LONP2: variants seen among roughly 807,000 people sequenced by gnomAD.
LONP2 encodes the protein lon peptidase 2, peroxisomal.
A neutral mutation model predicts 85.6 loss-of-function variants in LONP2; 60 were observed. The observed-to-expected ratio is 0.70, with a 90% CI of 0.57 to 0.87. The LOEUF (loss-of-function observed/expected upper bound fraction) is 0.87. LONP2 is among the 40% of genes least tolerant of loss of function. The pLI, the probability that LONP2 is intolerant of heterozygous loss-of-function variation, is 0.00. For synonymous variants in LONP2, 395 were observed against 389.7 expected (o/e 1.01, Z -0.16); for missense variants, 860 against 1,063.5 (o/e 0.81, Z 2.66).
intron 14 of LONP2, among the ~76,000 whole-genome samples, chr16:48,348,831 T>C (rs1296425395): frequency 6.6e-6 from 1 of 152,066 alleles, no homozygotes; most frequent in Non-Finnish European, 1.5e-5. Flanking sequence ...GGGAAAAAAA[T>C]ATTAGTGTGG....
intron 11 of LONP2, among the ~76,000 whole-genome samples, chr16:48,333,960 T>C (rs969257499): frequency 6.6e-6 from 1 of 152,226 alleles, no homozygotes; most frequent in Non-Finnish European, 1.5e-5. Context: ...ACTTACACTT[T>C]AATGGGGGAG....
chr16:48,258,715 A>T lies in LONP2; in HGVS notation c.698A>T (p.Lys233Ile), dbSNP rs555106386. The change falls in exon 4 of 15, where the codon AAA (lysine) becomes ATA (isoleucine). Residue 233 changes from lysine to isoleucine, a missense_variant. Lys to Ile is a moderately radical substitution (Grantham distance 102). This residue lies in a region of LONP2 where 743 missense variants were observed against 917.3 expected (regional missense o/e 0.81). Coordinates refer to ENST00000285737, the MANE Select transcript of LONP2 (RefSeq NM_031490.5). ...CTGAAATTGCTTCAAAAAACCAGAA[A>T]ACCCAAGCAAGATGATGATAAGAGG... ...EGLKLLQKTR[K>I]PKQDDDKRVI... The T allele has an allele frequency of 6.2e-7, 1 of 1,611,866 alleles. No homozygotes were observed. Among genetic ancestry groups the T allele is most frequent in the Non-Finnish European group, 8.5e-7 (1 of 1,179,300 alleles).
At chr16:48,298,593 C>A (rs1346657247) in intron 9 of LONP2, among the ~76,000 whole-genome samples, 1 of 148,402 alleles carries the variant, frequency 6.7e-6, no homozygotes, top group African/African-American at 2.5e-5. Flanking sequence ...TCTTTAGAGC[C>A]CTTCCCTTGG....
chr16:48,300,598 A>C (rs1972783433), intron 10 of LONP2, among the ~76,000 whole-genome samples: 2 of 152,146 alleles, frequency 1.3e-5, no homozygotes, highest in African/African-American at 4.8e-5. Flanking sequence ...GTATCTCTCT[A>C]TTTTGAACTT....
intron 2 of LONP2, 115 bp from the exon 3 acceptor site, chr16:48,256,495 A>C (rs1971763697): frequency 9.6e-7 from 1 of 1,037,052 alleles, no homozygotes; most frequent in Non-Finnish European, 1.5e-6. Flanking sequence ...TTAATCAGTG[A>C]TCTTTCAAAA....
At chr16:48,246,643 C>G (rs1287123685) in intron 1 of LONP2, among the ~76,000 whole-genome samples, 1 of 152,124 alleles carries the variant, frequency 6.6e-6, no homozygotes, top group African/African-American at 2.4e-5. Flanking sequence ...TGATCGTAGC[C>G]CACCGCAACC....
chr16:48,300,918 G>A (rs1285203425), intron 10 of LONP2, among the ~76,000 whole-genome samples: 1 of 152,168 alleles, frequency 6.6e-6, no homozygotes, highest in East Asian at 1.9e-4. Context: ...GAGTTTATCT[G>A]AATAATAATG....
chr16:48,252,614 C>T (rs929236843), intron 2 of LONP2, among the ~76,000 whole-genome samples: 9 of 152,242 alleles, frequency 5.9e-5, no homozygotes, highest in African/African-American at 2.2e-4. Flanking sequence ...CTTCTACTGT[C>T]TCTAAACTAG....
intron 11 of LONP2, among the ~76,000 whole-genome samples, chr16:48,327,584 A>G (rs1457249463): frequency 2.0e-5 from 3 of 152,104 alleles, no homozygotes; most frequent in African/African-American, 7.2e-5. Context: ...TAGCCTCTCA[A>G]GTAGCTGGGA....
intron 7 of LONP2, among the ~76,000 whole-genome samples, chr16:48,272,769 C>G (rs899390103): frequency 6.6e-6 from 1 of 152,142 alleles, no homozygotes; most frequent in Admixed American, 6.6e-5. Flanking sequence ...GCAACCTGCC[C>G]TTGTGCTGTT....
In LONP2 at chr16:48,356,958, A is replaced by G. The variant is rs1960389997; in HGVS notation, c.*5156A>G. On this transcript the variant is annotated 3_prime_UTR_variant, in exon 15 of 15. Coordinates refer to ENST00000285737, the MANE Select transcript of LONP2 (RefSeq NM_031490.5). Reference sequence around the variant, plus strand: ...TTTGCTCCATTATTTATATCTGTAAACCTGTTATTATTTTCAGAATTCAGA... The same window carrying G: ...TTTGCTCCATTATTTATATCTGTAAGCCTGTTATTATTTTCAGAATTCAGA... 6.5e-6 allele frequency: 1 copy of G among 153,036 alleles called. No homozygotes were observed. Among genetic ancestry groups the G allele is most frequent in the Admixed American group, 6.5e-5 (1 of 15,310 alleles). The allele number at this position is 153,036 out of a possible 1,614,324, so 9.5% of individuals were successfully genotyped here.
intron 9 of LONP2, among the ~76,000 whole-genome samples, 187 bp from the exon 10 acceptor site, chr16:48,299,475 G>A (rs999772267): frequency 4.0e-5 from 6 of 151,888 alleles, no homozygotes; most frequent in Admixed American, 3.3e-4. Flanking sequence ...CCAGCTGCTC[G>A]GGAGGGTGAG....
chr16:48,336,492 G>C (rs1959654098), intron 12 of LONP2: 2 of 454,972 alleles, frequency 4.4e-6, no homozygotes, highest in Non-Finnish European at 4.4e-6. Context: ...ATTTCACCTG[G>C]GTACAGGTGA....
chr16:48,338,744 C>CA (rs1264380118), intron 12 of LONP2, among the ~76,000 whole-genome samples: 1 of 151,952 alleles, frequency 6.6e-6, no homozygotes, highest in Non-Finnish European at 1.5e-5. Flanking sequence ...CCCTTCTCTA[C>CA]AAAAAATACA....
intron 1 of LONP2, 97 bp from the exon 2 acceptor site, chr16:48,252,034 C>T: frequency 3.3e-6 from 3 of 909,296 alleles, no homozygotes; most frequent in East Asian, 2.8e-5. Flanking sequence ...ATGTCTTTTG[C>T]TTAATGAATG....
chr16:48,331,220 C>G (rs1362521584), intron 11 of LONP2, among the ~76,000 whole-genome samples: 2 of 152,314 alleles, frequency 1.3e-5, no homozygotes, highest in Admixed American at 6.5e-5. Context: ...ATGACACCTA[C>G]TTTCTTTTCC....
intron 2 of LONP2, among the ~76,000 whole-genome samples, chr16:48,255,425 TAGAA>T (rs1481677183): frequency 6.6e-6 from 1 of 152,306 alleles, no homozygotes; most frequent in South Asian, 2.1e-4. Context: ...CGAAGGAAGT[TAGAA>T]AGAGCAGTGC....
intron 11 of LONP2, among the ~76,000 whole-genome samples, chr16:48,314,785 G>A (rs768336675): frequency 1.4e-4 from 22 of 151,964 alleles, no homozygotes; most frequent in Admixed American, 2.0e-4. Flanking sequence ...TGTAAATAAC[G>A]TTCTTAAAAT....
At chr16:48,282,230 G>A (rs933307676) in intron 8 of LONP2, among the ~76,000 whole-genome samples, 1 of 151,862 alleles carries the variant, frequency 6.6e-6, no homozygotes, top group African/African-American at 2.4e-5. Context: ...CTAACGTGGC[G>A]AAACCCTGTC....
Sources: allele counts gnomAD v4.1 joint callset (sites outside exome capture counted in the v4.1 genomes callset), GRCh38; gene constraint gnomAD v4.1.1; regional missense constraint gnomAD v4.1.1; transcripts MANE v1.5; gene names NCBI Gene and HGNC (gene_info 2026-07-23, HGNC 2026-07-21).